Variants in FHAD1 observed in about 807,000 individuals in gnomAD.
FHAD1 encodes forkhead associated phosphopeptide binding domain 1.
A neutral mutation model predicts 191.3 loss-of-function variants in FHAD1; 146 were observed. The observed-to-expected ratio is 0.76, with a 90% confidence interval of 0.67 to 0.88. FHAD1 has a LOEUF of 0.88. Ranked by LOEUF, FHAD1 falls within the 40% of genes least tolerant of loss-of-function variation. The pLI, the probability that FHAD1 is intolerant of heterozygous loss-of-function variation, is 0.00. For synonymous variants in FHAD1, 616 were observed against 672.3 expected, an observed-to-expected ratio of 0.92 and a Z score of 1.29; for missense variants, 1,635 against 1,785.8, an observed-to-expected ratio of 0.92 and a Z score of 1.52.
intron 3 of FHAD1, among the ~76,000 whole-genome samples, chr1:15,285,349 T>C (rs2100408746): frequency 6.6e-6 from 1 of 152,260 alleles, no homozygotes; most frequent in South Asian, 2.1e-4. Context: ...CTGGCCAACA[T>C]GGTGAAACTC....
At chr1:15,304,917 G>T (rs1669941033) in intron 6 of FHAD1, among the ~76,000 whole-genome samples, 1 of 151,482 alleles carries the variant, frequency 6.6e-6, no homozygotes, top group Non-Finnish European at 1.5e-5. Context: ...AGCGCCACCT[G>T]GTGGCCAGGT....
chr1:15,314,272 G>A (rs1238600727), intron 8 of FHAD1, among the ~76,000 whole-genome samples: 1 of 152,108 alleles, frequency 6.6e-6, no homozygotes, highest in Non-Finnish European at 1.5e-5. Context: ...CAGGCAGGGT[G>A]GATCTGGGGG....
At chr1:15,249,774 C>G (rs140364756) in intron 1 of FHAD1, among the ~76,000 whole-genome samples, 14 of 152,098 alleles carry the variant, frequency 9.2e-5, no homozygotes, top group Non-Finnish European at 2.1e-4. Flanking sequence ...TCTCCCTCCC[C>G]CCACTCAGTC....
rs1021694056 is a variant in FHAD1 at position 15,317,871 on chromosome 1, G to C, written c.1308G>C (p.Leu436=). The change falls in exon 10 of 34, where the codon CTG becomes CTC. Residue 436 remains leucine, a synonymous_variant. Transcript: ENST00000688493. ...EKEMKKLRAE[L]RKSCTEQSVI... ...AAATGAAGAAGCTTAGGGCAGAGCT[G>C]AGGAAGAGTTGTACTGAACAAAGCG... 3.9e-6 allele frequency: 6 copies of C among 1,551,790 alleles called. No individual in the cohort carries two copies. Among genetic ancestry groups the C allele is most frequent in the Non-Finnish European group, 5.2e-6 (6 of 1,147,010 alleles).
rs545874468 is a variant in FHAD1 at position 15,340,225 on chromosome 1, T to C, written c.1977+674T>C. On this transcript the variant is annotated intron_variant, in intron 15 of 33. Transcript: ENST00000688493. Reference sequence around the variant, plus strand: ...CAGAATTACTAAAAGAAAAGAAATATTCTAGAGGCAAATGAGCTTTACGGG... The same window carrying C: ...CAGAATTACTAAAAGAAAAGAAATACTCTAGAGGCAAATGAGCTTTACGGG... Among the ~76,000 whole-genome samples the C allele has an allele frequency of 2.0e-5, 3 of 152,362 alleles. No homozygotes were observed. In the East Asian group the frequency reaches 5.8e-4, roughly 29 times the overall value.
downstream of FHAD1, among the ~76,000 whole-genome samples, chr1:15,402,069 T>C (rs1213178246): frequency 1.3e-5 from 2 of 152,216 alleles, no homozygotes; most frequent in South Asian, 4.1e-4. Flanking sequence ...CCCAAAAATA[T>C]TGGAGGCAGA....
At chr1:15,242,683 A>G (rs1645529138), upstream of FHAD1, among the ~76,000 whole-genome samples, 1 of 152,172 alleles carries the variant, frequency 6.6e-6, no homozygotes, top group Non-Finnish European at 1.5e-5. Flanking sequence ...AGCCGGCCAG[A>G]TAATATGAGA....
At chr1:15,337,059 C>T (rs2102066264) in intron 14 of FHAD1, among the ~76,000 whole-genome samples, 1 of 152,352 alleles carries the variant, frequency 6.6e-6, no homozygotes, top group East Asian at 1.9e-4. Context: ...GCAGGAGGGG[C>T]TGCCAGGAAA....
At chr1:15,260,910 C>T (rs1023504931) in intron 2 of FHAD1, among the ~76,000 whole-genome samples, 17 of 152,204 alleles carry the variant, frequency 1.1e-4, no homozygotes, top group Non-Finnish European at 1.3e-4. Context: ...AGCACACTCA[C>T]GGGTTCCAGG....
intron 26 of FHAD1, among the ~76,000 whole-genome samples, chr1:15,370,655 G>A (rs1697800124): frequency 6.6e-6 from 1 of 152,182 alleles, no homozygotes; most frequent in Admixed American, 6.5e-5. Context: ...GTCTTTGAGT[G>A]AAAACAGCCT....
chr1:15,236,610 T>C (rs1396183943), exon 1 of FHAD1, among the ~76,000 whole-genome samples: 2 of 152,218 alleles, frequency 1.3e-5, no homozygotes, highest in African/African-American at 4.8e-5. Context: ...GCTGAGAAGA[T>C]GTAAGGACTG....
At chr1:15,245,171 C>T (rs887715628), upstream of FHAD1, among the ~76,000 whole-genome samples, 8 of 152,158 alleles carry the variant, frequency 5.3e-5, no homozygotes, top group South Asian at 2.1e-4. Flanking sequence ...AAGCACCTCC[C>T]GCCAGGCCCC....
intron 28 of FHAD1, among the ~76,000 whole-genome samples, chr1:15,378,765 G>GTT (rs887863551): frequency 6.6e-6 from 1 of 151,456 alleles, no homozygotes; most frequent in East Asian, 1.9e-4. Context: ...TTTTATTTTT[G>GTT]TTTTTTTTAA....
At position 15,381,873 on chromosome 1, in the gene FHAD1, G is replaced by A. The variant is rs1395851346; in HGVS notation, c.4023-155G>A. On this transcript the variant is annotated intron_variant, in intron 30 of 33. Transcript: ENST00000688493. The surrounding 1 kb of genome is among the most constrained non-coding windows in gnomAD (Gnocchi z 4.6). Reference sequence around the variant, plus strand: ...TGATGAATGGCTCGTTCTGCTCTCTGTACCCCAAATCTTCGTCATGCTCTC... The same window carrying A: ...TGATGAATGGCTCGTTCTGCTCTCTATACCCCAAATCTTCGTCATGCTCTC... 6.6e-6 allele frequency among the ~76,000 whole-genome samples: 1 copy of A among 151,422 alleles called. No homozygotes were observed. Among genetic ancestry groups the A allele is most frequent in the Non-Finnish European group, 1.5e-5 (1 of 67,948 alleles).
rs531513339 is a variant in FHAD1, at chr1:15,373,640, C to T, written c.3448-862C>T. Among the ~76,000 whole-genome samples the T allele has an allele frequency of 1.4e-4, 22 of 152,220 alleles. 1 individual carries two copies. In the South Asian group the frequency reaches 4.1e-3, roughly 29 times the overall value. On this transcript the variant is annotated intron_variant, in intron 26 of 33. Transcript: ENST00000688493. Reference sequence around the variant, plus strand: ...GGCGGAAGCAGGAGGATTGCTTGAGCTCAGGAGTTTGAGACCAGCGTGGGC... The same window carrying T: ...GGCGGAAGCAGGAGGATTGCTTGAGTTCAGGAGTTTGAGACCAGCGTGGGC...
chr1:15,251,833 A>C lies in FHAD1; in HGVS notation c.49A>C (p.Ser17Arg), dbSNP rs551615957. The change falls in exon 2 of 34, where the codon AGT becomes CGT. Residue 17 changes from serine (S) to arginine (R), a missense_variant. Ser to Arg is a moderately radical substitution (Grantham distance 110, BLOSUM62 -1). Transcript: ENST00000688493. ...SAEGFFVLNK[S>R]TTIGRHENSD... is the part of the protein sequence containing the mutation. ...AGAAGGCTTTTTTGTCCTAAATAAA[A>C]GTACCACAATTGGAAGGCATGAAAA... 4.5e-6 allele frequency: 7 copies of C among 1,552,394 alleles called. 1 individual carries two copies. The Admixed American group carries it at 1.4e-4, about 30-fold the overall frequency.
chr1:15,400,076 T>G (rs1197580169), downstream of FHAD1: 1 of 152,218 alleles, frequency 6.6e-6, no homozygotes, highest in Non-Finnish European at 1.5e-5. Flanking sequence ...TCTTGTCTCC[T>G]TTCTCACTCC....
rs2473339 is a variant in FHAD1, at chr1:15,395,088, C to T, written c.4324-2209C>T. On this transcript the variant is annotated intron_variant, in intron 33 of 33. Transcript: ENST00000688493. ...CAGCACTTTGGGAGGCCGAGATGGG[C>T]GGATCATGAGGTCAGGAGTTTGAGA... 4.4e-3 allele frequency among the ~76,000 whole-genome samples: 675 copies of T among 152,070 alleles called. 2 individuals carry two copies. Among genetic ancestry groups the T allele is most frequent in the African/African-American group, 7.8e-3 (322 of 41,482 alleles).
At chr1:15,373,717 G>T (rs998227109) in intron 26 of FHAD1, among the ~76,000 whole-genome samples, 1 of 152,136 alleles carries the variant, frequency 6.6e-6, no homozygotes, top group East Asian at 1.9e-4. Flanking sequence ...TTAGTCGGGC[G>T]TGGTGGCACA....
Sources: allele counts gnomAD v4.1 joint callset (sites outside exome capture counted in the v4.1 genomes callset), GRCh38; gene constraint gnomAD v4.1.1; non-coding constraint Gnocchi (gnomAD v3.1); transcripts MANE v1.5; gene names NCBI Gene and HGNC (gene_info 2026-07-23, HGNC 2026-07-21).